The following ADAMTSL3 variants were observed in gnomAD, a reference collection of about 807,000 sequenced individuals.
ADAMTSL3 encodes ADAMTS-like protein 3.
In ADAMTSL3, 128 loss-of-function variants were observed where a neutral mutation model predicts 201.7. That is an observed-to-expected ratio of 0.63 (90% CI 0.55 to 0.73). ADAMTSL3 has a LOEUF of 0.73. ADAMTSL3 is among the 30% of genes least tolerant of loss of function. The pLI is 0.00. For missense variants in ADAMTSL3, 1,990 were observed against 2,119.6 expected (o/e 0.94, Z 1.20); for synonymous variants, 738 against 748.4 (o/e 0.99, Z 0.23).
intron 23 of ADAMTSL3, among the ~76,000 whole-genome samples, chr15:84,010,795 A>T (rs1045200617): frequency 6.6e-6 from 1 of 152,196 alleles, no homozygotes; most frequent in Non-Finnish European, 1.5e-5. Context: ...TCCAGGTAAT[A>T]CATTCAATCA....
chr15:83,917,999 CTT>C (rs999507307), intron 16 of ADAMTSL3, among the ~76,000 whole-genome samples: 6 of 152,116 alleles, frequency 3.9e-5, no homozygotes, highest in African/African-American at 1.4e-4. Flanking sequence ...GATTATTTCT[CTT>C]TTTAAAAATC....
chr15:83,800,101 T>A (rs2063493880), intron 4 of ADAMTSL3, among the ~76,000 whole-genome samples: 1 of 152,146 alleles, frequency 6.6e-6, no homozygotes, highest in African/African-American at 2.4e-5. Flanking sequence ...TTAAAAATGG[T>A]CGCCAGGTGG....
intron 17 of ADAMTSL3, among the ~76,000 whole-genome samples, chr15:83,938,052 T>C (rs770827655): frequency 6.8e-6 from 1 of 147,160 alleles, no homozygotes; most frequent in Non-Finnish European, 1.5e-5. Context: ...TGTAAAGATA[T>C]TTAATCTAAA....
intron 2 of ADAMTSL3, among the ~76,000 whole-genome samples, chr15:83,693,183 G>A (rs2061636281): frequency 1.3e-5 from 2 of 152,114 alleles, no homozygotes; most frequent in South Asian, 2.1e-4. Flanking sequence ...CAACAAGAAC[G>A]TCATGTCTGC....
chr15:83,668,056 G>A (rs981643708), intron 2 of ADAMTSL3, among the ~76,000 whole-genome samples: 9 of 151,982 alleles, frequency 5.9e-5, no homozygotes, highest in African/African-American at 1.7e-4. Context: ...TTTCTGTCTC[G>A]TACCCCATGT....
At chr15:83,732,519 A>C (rs1284410114) in intron 3 of ADAMTSL3, among the ~76,000 whole-genome samples, 1 of 152,120 alleles carries the variant, frequency 6.6e-6, no homozygotes, top group African/African-American at 2.4e-5. Flanking sequence ...CAGAAAATTC[A>C]ATTCTGGTCA....
At chr15:83,689,245 T>C (rs1467986357) in intron 2 of ADAMTSL3, among the ~76,000 whole-genome samples, 1 of 152,236 alleles carries the variant, frequency 6.6e-6, no homozygotes, top group Non-Finnish European at 1.5e-5. Context: ...GATGGCTCAG[T>C]AATAATGACA....
chr15:83,690,054 A>G (rs778827048), intron 2 of ADAMTSL3, among the ~76,000 whole-genome samples: 1 of 152,162 alleles, frequency 6.6e-6, no homozygotes, highest in Non-Finnish European at 1.5e-5. Context: ...CACTTGTCCC[A>G]ATATTTCAAA....
At chr15:83,940,936 G>T (rs1476001593) in intron 17 of ADAMTSL3, among the ~76,000 whole-genome samples, 1 of 151,950 alleles carries the variant, frequency 6.6e-6, no homozygotes, top group Non-Finnish European at 1.5e-5. Flanking sequence ...TTTCTTGAAT[G>T]GAACTTTTGT....
At chr15:83,994,968 A>G (rs995753926) in intron 23 of ADAMTSL3, among the ~76,000 whole-genome samples, 6 of 152,012 alleles carry the variant, frequency 3.9e-5, no homozygotes, top group African/African-American at 1.4e-4. Context: ...GGAGGAAGCA[A>G]GCAGGATTAG....
At chr15:83,960,873 A>G (rs1178292137) in intron 19 of ADAMTSL3, among the ~76,000 whole-genome samples, 2 of 152,152 alleles carry the variant, frequency 1.3e-5, no homozygotes, top group Non-Finnish European at 2.9e-5. Flanking sequence ...CATAATATCT[A>G]TGCACCAAAA....
intron 23 of ADAMTSL3, among the ~76,000 whole-genome samples, chr15:84,007,559 A>AAAAAAAAAAAAAAAAAT (rs2067916892): frequency 6.6e-6 from 1 of 151,112 alleles, no homozygotes; most frequent in Non-Finnish European, 1.5e-5. Context: ...CCCATCACTA[A>AAAAAAAAAAAAAAAAAT]AAAAATAAAA....
intron 6 of ADAMTSL3, among the ~76,000 whole-genome samples, chr15:83,834,972 C>T (rs1478526992): frequency 2.6e-5 from 4 of 152,112 alleles, no homozygotes; most frequent in Non-Finnish European, 5.9e-5. Context: ...CTGTGGTTCA[C>T]GCTTGTAATC....
chr15:83,878,608 C>T (rs569303934), intron 9 of ADAMTSL3, among the ~76,000 whole-genome samples: 2 of 94,864 alleles, frequency 2.1e-5, no homozygotes, highest in South Asian at 7.1e-4. Context: ...AGTGAGACGC[C>T]ATTTCAAAAA....
chr15:84,027,526 T>C (rs113633757), intron 27 of ADAMTSL3, among the ~76,000 whole-genome samples: 6,394 of 152,090 alleles, frequency 0.042, 427 homozygotes, highest in African/African-American at 0.15. Context: ...CTCGCTAACA[T>C]GGTGAAACCC....
At chr15:83,777,639 A>G (rs1312264836) in intron 4 of ADAMTSL3, among the ~76,000 whole-genome samples, 1 of 152,166 alleles carries the variant, frequency 6.6e-6, no homozygotes. Context: ...AACCTCGAGG[A>G]TTAAAGGAAG....
At chr15:83,745,417 G>A (rs1393130609) in intron 3 of ADAMTSL3, among the ~76,000 whole-genome samples, 1 of 152,162 alleles carries the variant, frequency 6.6e-6, no homozygotes, top group African/African-American at 2.4e-5. Flanking sequence ...CCACTGAGTG[G>A]CATAACACTT....
intron 2 of ADAMTSL3, among the ~76,000 whole-genome samples, chr15:83,703,438 T>G (rs2061802685): frequency 6.6e-6 from 1 of 152,170 alleles, no homozygotes; most frequent in African/African-American, 2.4e-5. Flanking sequence ...AATCTCATCT[T>G]GAATTGTACT....
At chr15:83,937,884 G>C (rs552382076) in intron 17 of ADAMTSL3, among the ~76,000 whole-genome samples, 11 of 150,708 alleles carry the variant, frequency 7.3e-5, no homozygotes, top group Non-Finnish European at 1.5e-4. Context: ...AAACTTACTA[G>C]AAAGATGCTA....
Sources: gnomAD v4.1 joint callset for allele counts (sites outside exome capture counted in the v4.1 genomes callset) on GRCh38, gnomAD v4.1.1 for gene constraint, MANE v1.5 for transcripts, NCBI Gene and HGNC (gene_info 2026-07-23, HGNC 2026-07-21) for gene names.